Variants in SH3RF3 observed in about 807,000 individuals in gnomAD.
SH3RF3 encodes SH3 domain containing ring finger 3.
SH3RF3 carries 29 observed loss-of-function variants against 66.3 expected under a neutral mutation model. That is an observed-to-expected ratio of 0.44 (90% confidence interval 0.33 to 0.60). SH3RF3 has a LOEUF of 0.60. SH3RF3 is among the 20% of genes least tolerant of loss of function. The pLI, the probability that SH3RF3 is intolerant of heterozygous loss-of-function variation, is 0.04. For missense variants in SH3RF3, 1,194 were observed against 1,190.9 expected, an observed-to-expected ratio of 1.00 and a Z score of -0.04; for synonymous variants, 583 against 532.0, an observed-to-expected ratio of 1.10 and a Z score of -1.32.
chr2:109,326,543 G>A (rs1404732339), intron 1 of SH3RF3, among the ~76,000 whole-genome samples: 3 of 152,130 alleles, frequency 2.0e-5, no homozygotes, highest in Non-Finnish European at 4.4e-5. Context: ...CCAATCTGGT[G>A]GGTGTGAAAT....
chr2:109,420,116 A>G (rs1008086128), intron 5 of SH3RF3, among the ~76,000 whole-genome samples: 10 of 152,236 alleles, frequency 6.6e-5, no homozygotes, highest in Middle Eastern at 3.2e-3. Flanking sequence ...CTCATCCCCA[A>G]ATATAACCAG....
chr2:109,333,877 A>G (rs1682343261), intron 1 of SH3RF3, among the ~76,000 whole-genome samples: 1 of 152,208 alleles, frequency 6.6e-6, no homozygotes, highest in African/African-American at 2.4e-5. Flanking sequence ...TGATATAATA[A>G]TGATATCACC....
At chr2:109,367,735 C>G (rs1479814469) in intron 2 of SH3RF3, among the ~76,000 whole-genome samples, 1 of 152,106 alleles carries the variant, frequency 6.6e-6, no homozygotes, top group Non-Finnish European at 1.5e-5. Flanking sequence ...TAGTTTTTCT[C>G]TAGTTTAACA....
At chr2:109,427,915 G>A (rs868389831) in intron 5 of SH3RF3, among the ~76,000 whole-genome samples, 1 of 152,262 alleles carries the variant, frequency 6.6e-6, no homozygotes, top group African/African-American at 2.4e-5. Flanking sequence ...CTCCCCAGGT[G>A]CTCGCGCACG....
intron 1 of SH3RF3, among the ~76,000 whole-genome samples, chr2:109,263,748 T>A (rs934100916): frequency 1.3e-5 from 2 of 152,130 alleles, no homozygotes; most frequent in African/African-American, 4.8e-5. Flanking sequence ...GGGCAGATCA[T>A]GAGGTCAGGA....
intron 1 of SH3RF3, among the ~76,000 whole-genome samples, chr2:109,225,569 T>C (rs977102927): frequency 6.6e-6 from 1 of 152,260 alleles, no homozygotes; most frequent in Non-Finnish European, 1.5e-5. Context: ...TGATTTTTAA[T>C]GTGGGATGCT....
intron 2 of SH3RF3, among the ~76,000 whole-genome samples, chr2:109,353,261 C>T (rs901738136): frequency 2.6e-5 from 4 of 152,204 alleles, no homozygotes; most frequent in East Asian, 1.9e-4. Flanking sequence ...TCCCTGCAGC[C>T]GAGCCCACTG....
intron 1 of SH3RF3, among the ~76,000 whole-genome samples, chr2:109,340,989 TTA>T (rs1231556120): frequency 6.6e-6 from 1 of 152,212 alleles, no homozygotes; most frequent in African/African-American, 2.4e-5. Context: ...TGTAGACAAT[TTA>T]TGTCTTCACA....
At chr2:109,373,168 C>G (rs1027107821) in intron 3 of SH3RF3, among the ~76,000 whole-genome samples, 2 of 152,222 alleles carry the variant, frequency 1.3e-5, no homozygotes, top group Non-Finnish European at 2.9e-5. Context: ...CTCAACACTT[C>G]GCAAGTTTCC....
intron 1 of SH3RF3, among the ~76,000 whole-genome samples, chr2:109,147,269 G>A (rs1308388830): frequency 6.6e-6 from 1 of 152,122 alleles, no homozygotes; most frequent in Admixed American, 6.5e-5. Flanking sequence ...TGTAAATATG[G>A]GGGTGTGGGG....
At chr2:109,133,201 T>C (rs768621806) in intron 1 of SH3RF3, among the ~76,000 whole-genome samples, 28 of 152,208 alleles carry the variant, frequency 1.8e-4, no homozygotes, top group Non-Finnish European at 2.6e-4. Context: ...TTGTCACAAA[T>C]TAAAGAATTC....
intron 8 of SH3RF3, among the ~76,000 whole-genome samples, chr2:109,468,305 T>C (rs994181156): frequency 6.6e-6 from 1 of 152,184 alleles, no homozygotes; most frequent in African/African-American, 2.4e-5. Flanking sequence ...GTACCGTGTG[T>C]CTAAATATAG....
chr2:109,486,711 G>A (rs540235255), intron 8 of SH3RF3, among the ~76,000 whole-genome samples: 15 of 152,044 alleles, frequency 9.9e-5, no homozygotes, highest in Admixed American at 2.0e-4. Flanking sequence ...TGTGGTTGGC[G>A]CAGGATGTGT....
intron 1 of SH3RF3, among the ~76,000 whole-genome samples, chr2:109,149,723 A>G (rs1677188133): frequency 6.6e-6 from 1 of 152,184 alleles, no homozygotes; most frequent in African/African-American, 2.4e-5. Context: ...TTACGTTCTA[A>G]TTGGTGCCAT....
chr2:109,411,059 G>A (rs1285296777), intron 4 of SH3RF3, among the ~76,000 whole-genome samples: 2 of 152,210 alleles, frequency 1.3e-5, no homozygotes, highest in Non-Finnish European at 2.9e-5. Flanking sequence ...CATCAGAGAG[G>A]TGGCTCGTGG....
intron 1 of SH3RF3, among the ~76,000 whole-genome samples, chr2:109,285,153 C>T (rs1681003372): frequency 6.6e-6 from 1 of 152,228 alleles, no homozygotes; most frequent in African/African-American, 2.4e-5. Context: ...GTGAGGCTTT[C>T]TATGGAAGCT....
Position 109,130,062 on chromosome 2 carries a change from C to T in SH3RF3, c.522C>T (p.Thr174=), listed in dbSNP as rs1676651007. The T allele has an allele frequency of 8.8e-6, 12 of 1,367,108 alleles. No homozygotes were observed. Among genetic ancestry groups the T allele is most frequent in the South Asian group, 1.7e-5 (1 of 58,668 alleles). The allele number at this position is 1,367,108 out of a possible 1,614,324, so 84.7% of individuals were successfully genotyped here. Reference sequence around the variant, plus strand: ...TCCTCTCCGCGGCCGCGGGCAGCACCGCCGGCAGTCTGCGGGAGCTGGCGA... The same window carrying T: ...TCCTCTCCGCGGCCGCGGGCAGCACTGCCGGCAGTCTGCGGGAGCTGGCGA... ...PVFLSAAAGS[T]AGSLRELATS... is the part of the protein sequence containing the mutation. Residue 174 remains threonine (T), a synonymous_variant, in exon 1 of 10, where the codon ACC becomes ACT. Coordinates refer to ENST00000309415, the MANE Select transcript of SH3RF3 (RefSeq NM_001099289.3).
Position 109,131,865 on chromosome 2 carries a change from C to T in SH3RF3, c.573+1752C>T, listed in dbSNP as rs1273072598. Among the ~76,000 whole-genome samples the T allele has an allele frequency of 3.3e-5, 5 of 152,266 alleles. No individual in the cohort carries two copies. In the East Asian group the frequency reaches 9.6e-4, roughly 29 times the overall value. ...ATGTTTCTGGATGTTGTTTAATAGA[C>T]GAGCACTTATTTAACTAATAAGCAG... On this transcript the variant is annotated intron_variant, in intron 1 of 9. Coordinates refer to ENST00000309415, the MANE Select transcript of SH3RF3 (RefSeq NM_001099289.3).
At chr2:109,450,935 C>T (rs953896895) in intron 8 of SH3RF3, among the ~76,000 whole-genome samples, 17 of 152,256 alleles carry the variant, frequency 1.1e-4, no homozygotes, top group Admixed American at 3.9e-4. Context: ...CAGGCAAGGA[C>T]AGCCTCTCTC....
Sources: allele counts gnomAD v4.1 joint callset (sites outside exome capture counted in the v4.1 genomes callset), GRCh38; gene constraint gnomAD v4.1.1; transcripts MANE v1.5; gene names NCBI Gene and HGNC (gene_info 2026-07-23, HGNC 2026-07-21).